The following PALB2 variants were observed in gnomAD, a reference collection of about 807,000 sequenced individuals.
PALB2 encodes partner and localizer of BRCA2, also known as mutant partner and localizer of BRCA2.
PALB2 carries 82 observed loss-of-function variants against 107.4 expected under a neutral mutation model. The observed-to-expected ratio is 0.76, with a 90% CI of 0.64 to 0.92. The LOEUF (loss-of-function observed/expected upper bound fraction) is 0.92, where lower values mean the gene tolerates loss of function less well. Among genes scored for constraint, PALB2 ranks in the 40% least tolerant of loss-of-function variants. The probability of loss-of-function intolerance (pLI) is 0.00; values close to 1 mark genes in which losing one functional copy is unlikely to be tolerated. For synonymous variants in PALB2, 489 were observed against 496.8 expected, an observed-to-expected ratio of 0.98 and a Z score of 0.21; for missense variants, 1,374 against 1,379.9, an observed-to-expected ratio of 1.00 and a Z score of 0.07.
At chr16:23,620,890 T>A (rs934707667) in intron 10 of PALB2, among the ~76,000 whole-genome samples, 2 of 152,112 alleles carry the variant, frequency 1.3e-5, no homozygotes, top group South Asian at 4.1e-4. Flanking sequence ...CTAGCCAACA[T>A]GGCAAAATCC....
In PALB2 at chr16:23,635,352, C is replaced by G. The variant is rs61755173; in HGVS notation, c.1194G>C (p.Val398=). ...CTGCAGGAAACAGAAGGCCTTCAGG[C>G]ACTGTGCAAGAATGTTTTTCTGCAG... The part of the protein sequence containing the change: ...PLSAEKHSCT[V]PEGLLFPAEY... Residue 398 remains valine (V), a synonymous_variant, in exon 4 of 13, where the codon GTG becomes GTC. Transcript: ENST00000261584. 1 of 1,613,992 alleles carries G rather than the reference C, an allele frequency of 6.2e-7. No homozygotes were observed. Among genetic ancestry groups the G allele is most frequent in the East Asian group, 2.2e-5 (1 of 44,884 alleles).
At chr16:23,626,428 G>A (rs371706734) in intron 6 of PALB2, 31 bp from the exon 7 acceptor site, 46 of 1,613,594 alleles carry the variant, frequency 2.9e-5, no homozygotes, top group Non-Finnish European at 3.7e-5. Flanking sequence ...CTGTTAAAGT[G>A]GCACTCGAGT....
chr16:23,604,424 A>G (rs1382102511), intron 12 of PALB2, among the ~76,000 whole-genome samples: 1 of 152,244 alleles, frequency 6.6e-6, no homozygotes, highest in Non-Finnish European at 1.5e-5. Flanking sequence ...AACAGTTCCT[A>G]TAAAAGGCTT....
intron 11 of PALB2, among the ~76,000 whole-genome samples, chr16:23,611,078 GTCTATCTA>G (rs201931763): frequency 0.057 from 8,381 of 148,168 alleles, 289 homozygotes; most frequent in East Asian, 0.087. Context: ...TCAACTGTCA[GTCTATCTA>G]TCTATCTATC....
rs371612049 is a variant in PALB2 at position 23,635,811 on chromosome 16, C to G, written c.735G>C (p.Ala245=). 6.2e-7 allele frequency: 1 copy of G among 1,614,104 alleles called. No individual in the cohort carries two copies. The change falls in exon 4 of 13, where the codon GCG becomes GCC. Residue 245 remains alanine (A), a synonymous_variant. Transcript: ENST00000261584. ...TFLRRPNFTR[A]TTVPLQTLSD... is the part of the protein sequence containing the mutation. ...ATAGAGTCTGTAAAGGAACTGTAGT[C>G]GCCCTGGTGAAATTAGGTCTTCTTA...
At chr16:23,621,077 G>A (rs1184155620) in intron 10 of PALB2, among the ~76,000 whole-genome samples, 2 of 152,192 alleles carry the variant, frequency 1.3e-5, no homozygotes, top group Admixed American at 6.5e-5. Flanking sequence ...GGGTGTGGTG[G>A]CACATGCCTA....
intron 1 of PALB2, chr16:23,638,363 A>G (rs1967119227): frequency 3.4e-6 from 2 of 589,290 alleles, no homozygotes; most frequent in Admixed American, 5.7e-5. Flanking sequence ...TGATTCCTCA[A>G]ACCTTAGCTT....
intron 10 of PALB2, among the ~76,000 whole-genome samples, chr16:23,615,395 C>T (rs2142305984): frequency 6.6e-6 from 1 of 152,256 alleles, no homozygotes; most frequent in Admixed American, 6.5e-5. Context: ...GCCTTGACCT[C>T]TGAGGCTCAA....
At chr16:23,613,781 A>G (rs1339145401) in intron 11 of PALB2, among the ~76,000 whole-genome samples, 1 of 152,234 alleles carries the variant, frequency 6.6e-6, no homozygotes, top group Non-Finnish European at 1.5e-5. Context: ...CACAGCTAGA[A>G]ATAAATATTT....
chr16:23,621,924 G>A (rs1003032611), intron 9 of PALB2, among the ~76,000 whole-genome samples: 1 of 152,042 alleles, frequency 6.6e-6, no homozygotes, highest in African/African-American at 2.4e-5. Context: ...TCTCAATCTA[G>A]TCAATCACCA....
rs1049460445 is a variant in PALB2 at position 23,625,623 on chromosome 16, C to A, written c.2748+613G>T. Among the ~76,000 whole-genome samples, 4 of 151,956 alleles carry A rather than the reference C, an allele frequency of 2.6e-5. No homozygotes were observed. In the South Asian group the frequency reaches 8.3e-4, roughly 32 times the overall value. ...CAGCCTGGGCAACATGGCAAAATCC[C>A]GTCTCTACTAAAAATACAAAAAAAT... On this transcript the variant is annotated intron_variant, in intron 7 of 12. Coordinates refer to ENST00000261584, the MANE Select transcript of PALB2 (RefSeq NM_024675.4).
chr16:23,625,323 A>ACT (rs1263029235), intron 7 of PALB2, among the ~76,000 whole-genome samples: 1 of 151,818 alleles, frequency 6.6e-6, no homozygotes. Flanking sequence ...ACAGAGTATG[A>ACT]CTCTCTCTCC....
chr16:23,627,315 G>A (rs1482418034), intron 6 of PALB2, among the ~76,000 whole-genome samples: 1 of 151,314 alleles, frequency 6.6e-6, no homozygotes, highest in Non-Finnish European at 1.5e-5. Context: ...GTGAAACCCC[G>A]TCTCTACTAA....
intron 12 of PALB2, among the ~76,000 whole-genome samples, chr16:23,605,419 T>C (rs1157955995): frequency 6.6e-6 from 1 of 152,116 alleles, no homozygotes; most frequent in East Asian, 1.9e-4. Context: ...GTTTGTTTGT[T>C]TGTTTTTGAG....
At chr16:23,625,469 C>T (rs1357085733) in intron 7 of PALB2, among the ~76,000 whole-genome samples, 1 of 152,010 alleles carries the variant, frequency 6.6e-6, no homozygotes, top group East Asian at 1.9e-4. Context: ...AGTTCAAGAC[C>T]AGCCCAGGCG....
At position 23,635,133 on chromosome 16, in the gene PALB2, T is replaced by C. The variant is rs1555461299; in HGVS notation, c.1413A>G (p.Gly471=). 6.2e-7 allele frequency: 1 copy of C among 1,614,230 alleles called. No homozygotes were observed. Among genetic ancestry groups the C allele is most frequent in the Non-Finnish European group, 8.5e-7 (1 of 1,180,046 alleles). ...SEIRMSGTCT[G]QPSSRTSQKL... ...TCTGAGAGGTTCTTGAACTTGGTTG[T>C]CCTGTGCATGTGCCAGACATCCTAA... is the stretch of plus-strand genomic sequence containing the variant. The change falls in exon 4 of 13, where the codon GGA becomes GGG. Residue 471 remains glycine (G), a synonymous_variant. Coordinates refer to ENST00000261584, the MANE Select transcript of PALB2 (RefSeq NM_024675.4).
In PALB2 at chr16:23,626,276, G is replaced by A. The variant is rs1321993373; in HGVS notation, c.2708C>T (p.Ala903Val). ...GGTATAAAGTTTTTCCCACTGCCAA[G>A]CATCCAGAGCTTTCCAAAGAGAAAC... ...DVVSLWKALDAWQWEKLYTWH... is the reference protein window; with the variant it reads ...DVVSLWKALDVWQWEKLYTWH... Residue 903 changes from alanine to valine, a missense_variant, in exon 7 of 13, where the codon GCT becomes GTT. Coordinates refer to ENST00000261584, the MANE Select transcript of PALB2 (RefSeq NM_024675.4). 6.2e-7 allele frequency: 1 copy of A among 1,614,130 alleles called. No homozygotes were observed. Among genetic ancestry groups the A allele is most frequent in the Non-Finnish European group, 8.5e-7 (1 of 1,180,034 alleles).
In PALB2 at chr16:23,636,197, G is replaced by T. The variant is rs1413238389; in HGVS notation, c.349C>A (p.Pro117Thr). The T allele has an allele frequency of 5.6e-6, 9 of 1,613,206 alleles. No individual in the cohort carries two copies. Among genetic ancestry groups the T allele is most frequent in the Non-Finnish European group, 7.6e-6 (9 of 1,179,922 alleles). Reference sequence around the variant, plus strand: ...TGGGTGTCATCTGTTCTTTGTATAGGTAATCCTCCTGGGCCATCTCCAGGG... The same window carrying T: ...TGGGTGTCATCTGTTCTTTGTATAGTTAATCCTCCTGGGCCATCTCCAGGG... The part of the protein sequence containing the change: ...FNPGDGPGGL[P>T]IQRTDDTQEH... The change falls in exon 4 of 13, where the codon CCT (proline) becomes ACT (threonine). Residue 117 changes from proline (P) to threonine (T), a missense_variant. Transcript: ENST00000261584.
chr16:23,638,164 G>A, intron 1 of PALB2, 35 bp from the exon 2 acceptor site: 3 of 1,568,230 alleles, frequency 1.9e-6, no homozygotes, highest in Non-Finnish European at 2.6e-6. Flanking sequence ...TACTGGGCAA[G>A]TGGAAAGGTG....
Sources: allele counts gnomAD v4.1 joint callset (sites outside exome capture counted in the v4.1 genomes callset), GRCh38; gene constraint gnomAD v4.1.1; transcripts MANE v1.5; gene names NCBI Gene and HGNC (gene_info 2026-07-23, HGNC 2026-07-21).